The following AKAP9 variants were observed in gnomAD, a reference collection of about 807,000 sequenced individuals.
The protein encoded by AKAP9 is A-kinase anchoring protein 9.
In AKAP9, 311 loss-of-function variants were observed where a neutral mutation model predicts 488.5. That is an observed-to-expected ratio of 0.64 (90% CI 0.58 to 0.70). The LOEUF (loss-of-function observed/expected upper bound fraction) is 0.70. AKAP9 is among the 30% of genes least tolerant of loss of function. The probability of loss-of-function intolerance (pLI) is 0.00; values close to 1 mark genes in which losing one functional copy is unlikely to be tolerated. For synonymous variants in AKAP9, 1,462 were observed against 1,483.5 expected (o/e 0.99, Z 0.33); for missense variants, 4,215 against 4,374.5 (o/e 0.96, Z 1.03).
intron 48 of AKAP9, chr7:92,107,885 G>T (rs923286823): frequency 5.2e-5 from 9 of 174,418 alleles, no homozygotes; most frequent in Non-Finnish European, 1.1e-4. Flanking sequence ...CAGGCATGGT[G>T]GTGGGTGCCT....
chr7:92,048,127 A>G (rs927652928), intron 21 of AKAP9, among the ~76,000 whole-genome samples: 1 of 152,196 alleles, frequency 6.6e-6, no homozygotes, highest in Non-Finnish European at 1.5e-5. Context: ...TCATAAATAT[A>G]ATGGGAGCAT....
At chr7:92,019,991 G>A (rs905433903) in intron 12 of AKAP9, among the ~76,000 whole-genome samples, 1 of 151,822 alleles carries the variant, frequency 6.6e-6, no homozygotes, top group South Asian at 2.1e-4. Flanking sequence ...TCCAGCCTGG[G>A]CAACAGAGTG....
intron 3 of AKAP9, among the ~76,000 whole-genome samples, chr7:91,990,400 T>C (rs1797610078): frequency 6.6e-6 from 1 of 152,136 alleles, no homozygotes; most frequent in Non-Finnish European, 1.5e-5. Flanking sequence ...GTTCTAACTT[T>C]GGAATATAGT....
At position 92,023,083 on chromosome 7, in the gene AKAP9, T is replaced by A. The variant is rs143753839; in HGVS notation, c.4148+74T>A. On this transcript the variant is annotated intron_variant, in intron 14 of 49. Transcript: ENST00000356239. ...CAATTATAGTATCATCCAGAATGGT[T>A]ATTTAAAAAAGTAACTTAAGCAAAG... The A allele has an allele frequency of 5.2e-3, 7,885 of 1,518,932 alleles. 30 individuals carry two copies. The highest frequency in any genetic ancestry group is 6.4e-3 in the Non-Finnish European group (7,009 of 1,095,314). The allele number at this position is 1,518,932 out of a possible 1,614,324, so 94.1% of individuals were successfully genotyped here. A position where few individuals can be genotyped will look rare whatever the true frequency, so the allele number is the denominator to read the frequency against.
rs35146687 is a variant in AKAP9 at position 92,050,063 on chromosome 7, CTT to C, written c.5369-2645_5369-2644del. 4.1e-4 allele frequency among the ~76,000 whole-genome samples: 53 copies of C among 129,696 alleles called. 1 individual carries two copies. The highest frequency in any genetic ancestry group is 5.3e-4 in the Non-Finnish European group (32 of 60,424). The allele number at this position is 129,696 out of a possible 152,430, so 85.1% of individuals were successfully genotyped here. ...CCTGCTCAAGGTAAATTTCAGCAAA[CTT>C]TTTTTTTTTTTTTTTTTGAGACGGA... On this transcript the variant is annotated intron_variant, in intron 21 of 49. Coordinates refer to ENST00000356239, the MANE Select transcript of AKAP9 (RefSeq NM_005751.5).
chr7:91,975,162 T>G (rs987492410), intron 2 of AKAP9, among the ~76,000 whole-genome samples: 2 of 152,106 alleles, frequency 1.3e-5, no homozygotes, highest in Admixed American at 6.6e-5. Flanking sequence ...TTGTTTTTGT[T>G]ATTTTATTTT....
At chr7:92,008,187 G>A (rs1404377563) in intron 8 of AKAP9, among the ~76,000 whole-genome samples, 2 of 151,776 alleles carry the variant, frequency 1.3e-5, no homozygotes, top group Non-Finnish European at 2.9e-5. Context: ...GATCAACATG[G>A]TGAAACCCCG....
chr7:92,077,048 A>C, intron 29 of AKAP9, 41 bp downstream of exon 29: 3 of 1,104,772 alleles, frequency 2.7e-6, no homozygotes, highest in Non-Finnish European at 3.9e-6. Flanking sequence ...AATAAGTCAT[A>C]GTTTCAGTCC....
intron 37 of AKAP9, among the ~76,000 whole-genome samples, chr7:92,088,176 C>A (rs36021614): frequency 6.6e-6 from 1 of 151,872 alleles, no homozygotes; most frequent in Non-Finnish European, 1.5e-5. Flanking sequence ...CCACCTTAAC[C>A]AAGTGATCAG....
chr7:92,101,723 A>T (rs1817547659), intron 45 of AKAP9, among the ~76,000 whole-genome samples: 1 of 152,230 alleles, frequency 6.6e-6, no homozygotes, highest in Non-Finnish European at 1.5e-5. Context: ...GCCCTCTGAA[A>T]AGCCTCTCCG....
chr7:91,941,757 C>G (rs1344015536), intron 1 of AKAP9, among the ~76,000 whole-genome samples: 1 of 152,090 alleles, frequency 6.6e-6, no homozygotes, highest in Non-Finnish European at 1.5e-5. Flanking sequence ...GCTTTTGTGT[C>G]CTATGGAATG....
intron 18 of AKAP9, 111 bp downstream of exon 18, chr7:92,041,009 T>G: frequency 1.1e-6 from 1 of 933,524 alleles, no homozygotes; most frequent in Non-Finnish European, 1.6e-6. Context: ...CCATAATTTT[T>G]TTTTTTTTTT....
At chr7:92,032,862 G>A (rs1804521217) in intron 16 of AKAP9, among the ~76,000 whole-genome samples, 1 of 152,080 alleles carries the variant, frequency 6.6e-6, no homozygotes, top group African/African-American at 2.4e-5. Flanking sequence ...TGGTGTATCA[G>A]GGTATAGTAA....
chr7:92,079,587 CT>C lies in AKAP9; in HGVS notation c.7458del (p.Phe2486LeufsTer9). The stretch of plus-strand genomic sequence containing the variant: ...CTAGAAAATCAGACATACTTCAAAT[CT>C]TTTGAAGAAAATGGCAAAGGTTCCA... ...KSLENQTYFK[S>X]FEENGKGSII... On this transcript the variant is annotated frameshift_variant, in exon 31 of 50. Coordinates refer to ENST00000356239, the MANE Select transcript of AKAP9 (RefSeq NM_005751.5). LOFTEE classifies it high-confidence loss of function. 3.7e-6 allele frequency: 6 copies of C among 1,613,794 alleles called. No individual in the cohort carries two copies. Among genetic ancestry groups the C allele is most frequent in the Non-Finnish European group, 5.1e-6 (6 of 1,179,976 alleles).
chr7:92,086,204 C>T (rs1814529172), intron 36 of AKAP9, 24 bp from the exon 37 acceptor site: 1 of 1,587,752 alleles, frequency 6.3e-7, no homozygotes, highest in Non-Finnish European at 8.6e-7. Context: ...TGAAAACTAA[C>T]TATCGTTATA....
chr7:91,941,199 G>A, intron 1 of AKAP9, 52 bp downstream of exon 1: 1 of 1,552,432 alleles, frequency 6.4e-7, no homozygotes, highest in South Asian at 1.1e-5. Context: ...TGGCTAGCAC[G>A]GGGTGGGAGG....
chr7:92,082,387 A>G (rs1414360415), intron 31 of AKAP9, 135 bp from the exon 32 acceptor site: 3 of 841,780 alleles, frequency 3.6e-6, no homozygotes, highest in Non-Finnish European at 5.6e-6. Flanking sequence ...TTTTGGAAAG[A>G]GCATTGATTT....
In AKAP9 at chr7:92,016,224, A is replaced by T. The variant is rs751002727; in HGVS notation, c.3708A>T (p.Glu1236Asp). The T allele has an allele frequency of 1.2e-5, 19 of 1,575,090 alleles. No individual in the cohort carries two copies. Among genetic ancestry groups the T allele is most frequent in the Non-Finnish European group, 1.6e-5 (18 of 1,146,634 alleles). ...AGAATTCTGGTGATTACATTTCTGA[A>T]AATGAAGATCCAGAATTACAAGATT... ...DKENSGDYISENEDPELQDYR... is the reference protein window; with the variant it reads ...DKENSGDYISDNEDPELQDYR... Residue 1236 changes from glutamate (E) to aspartate (D), a missense_variant, in exon 11 of 50, where the codon GAA becomes GAT. Physicochemically the swap from Glu to Asp is conservative, Grantham distance 45 (BLOSUM62 2). This residue lies in a region of AKAP9 where 2,361 missense variants were observed against 2,430.0 expected (regional missense o/e 0.97). Transcript: ENST00000356239.
chr7:91,959,284 A>T (rs1373015766), intron 1 of AKAP9, among the ~76,000 whole-genome samples: 1 of 151,908 alleles, frequency 6.6e-6, no homozygotes, highest in Non-Finnish European at 1.5e-5. Context: ...AAATAATTTT[A>T]ATTTTATTAT....
Sources: gnomAD v4.1 joint callset for allele counts (sites outside exome capture counted in the v4.1 genomes callset) on GRCh38, gnomAD v4.1.1 for gene constraint, gnomAD v4.1.1 regional missense constraint, MANE v1.5 for transcripts, NCBI Gene and HGNC (gene_info 2026-07-23, HGNC 2026-07-21) for gene names.